The following DLG2 variants were observed in gnomAD, a reference collection of about 807,000 sequenced individuals.
DLG2 encodes the protein discs large MAGUK scaffold protein 2.
Under a neutral mutation model 132.5 loss-of-function variants are expected in DLG2, and 45 were observed. The observed-to-expected ratio is 0.34, with a 90% CI of 0.27 to 0.44. DLG2 has a LOEUF of 0.44. DLG2 is among the 20% of genes least tolerant of loss of function. The probability of loss-of-function intolerance (pLI) is 1.00; values close to 1 mark genes in which losing one functional copy is unlikely to be tolerated. For synonymous variants in DLG2, 424 were observed against 419.6 expected (o/e 1.01, Z -0.13); for missense variants, 1,045 against 1,196.9 (o/e 0.87, Z 1.87).
At position 84,100,269 on chromosome 11, in the gene DLG2, A is replaced by ATATATATCTAAAGAGATATATATATC. The variant is rs2092398411; in HGVS notation, c.625-1223_625-1222insGATATATATATCTCTTTAGATATATA. The stretch of plus-strand genomic sequence containing the variant: ...TATATCTAAAGCGATATATATATAT[A>ATATATATCTAAAGAGATATATATATC]TAAAGGATATATATATCTAAAGAGA... On this transcript the variant is annotated intron_variant, in intron 9 of 27. Transcript: ENST00000376104. Among the ~76,000 whole-genome samples, 6 of 61,850 alleles carry ATATATATCTAAAGAGATATATATATC rather than the reference A, an allele frequency of 9.7e-5. 1 individual carries two copies. The highest frequency in any genetic ancestry group is 3.7e-4 in the African/African-American group (6 of 16,206). 40.6% of individuals were successfully genotyped at this position (61,850 alleles called of 152,430 possible).
chr11:83,628,261 C>T (rs1056012640), intron 19 of DLG2, among the ~76,000 whole-genome samples: 2 of 152,094 alleles, frequency 1.3e-5, no homozygotes, highest in East Asian at 3.9e-4. Context: ...GCCATTGCCA[C>T]AACCACTTTA....
chr11:85,314,988 G>A (rs2080556569), intron 3 of DLG2, among the ~76,000 whole-genome samples: 1 of 152,010 alleles, frequency 6.6e-6, no homozygotes, highest in Non-Finnish European at 1.5e-5. Flanking sequence ...AGCCTGGAAA[G>A]TGAGAGGCAA....
At chr11:84,804,813 C>G (rs2075811197) in intron 6 of DLG2, among the ~76,000 whole-genome samples, 1 of 152,166 alleles carries the variant, frequency 6.6e-6, no homozygotes, top group Admixed American at 6.5e-5. Flanking sequence ...CCCTTGTCAG[C>G]CTGTAAGGAG....
intron 6 of DLG2, among the ~76,000 whole-genome samples, chr11:84,790,930 G>A (rs1392687365): frequency 2.0e-5 from 3 of 152,108 alleles, no homozygotes; most frequent in Admixed American, 6.5e-5. Flanking sequence ...TCTCTATTCT[G>A]TTCTATTGGT....
At chr11:83,741,173 T>G (rs1384255504) in intron 18 of DLG2, among the ~76,000 whole-genome samples, 1 of 152,166 alleles carries the variant, frequency 6.6e-6, no homozygotes, top group Non-Finnish European at 1.5e-5. Flanking sequence ...AAGAGACATT[T>G]ATGACAAACC....
Position 83,606,028 on chromosome 11 carries a change from C to T in DLG2, c.1940+27183G>A, listed in dbSNP as rs184647528. 8.2e-4 allele frequency among the ~76,000 whole-genome samples: 125 copies of T among 152,280 alleles called. No homozygotes were observed. In the East Asian group the frequency reaches 0.016, roughly 20 times the overall value. ...CTTCACTATACTAGTTGTTATGCTA[C>T]TTTTTAGACTCATTCCACAGAGTCA... On this transcript the variant is annotated intron_variant, in intron 19 of 27. Transcript: ENST00000376104.
chr11:84,086,847 C>T (rs899940701), intron 10 of DLG2, among the ~76,000 whole-genome samples: 1 of 152,164 alleles, frequency 6.6e-6, no homozygotes, highest in African/African-American at 2.4e-5. Context: ...CCCCTGGCAA[C>T]CACTAATCTA....
chr11:85,560,631 T>C (rs887789947), intron 3 of DLG2, among the ~76,000 whole-genome samples: 1 of 151,920 alleles, frequency 6.6e-6, no homozygotes, highest in Non-Finnish European at 1.5e-5. Flanking sequence ...ATTGTGGTGA[T>C]AGTTTCACAA....
intron 3 of DLG2, among the ~76,000 whole-genome samples, chr11:85,427,742 C>T (rs970616715): frequency 6.6e-6 from 1 of 152,196 alleles, no homozygotes; most frequent in Non-Finnish European, 1.5e-5. Context: ...AACCAGCTGA[C>T]ATCATAATGA....
intron 3 of DLG2, among the ~76,000 whole-genome samples, chr11:85,498,434 T>C (rs2093719261): frequency 6.6e-6 from 1 of 152,130 alleles, no homozygotes; most frequent in African/African-American, 2.4e-5. Context: ...ATAAAGCAAG[T>C]CCTGAGAGAC....
intron 9 of DLG2, among the ~76,000 whole-genome samples, chr11:84,099,810 T>A (rs905893447): frequency 1.5e-5 from 2 of 136,424 alleles, no homozygotes; most frequent in African/African-American, 5.7e-5. Context: ...AGGATATATA[T>A]ATCTAAAGAG....
intron 3 of DLG2, among the ~76,000 whole-genome samples, chr11:85,447,945 C>T (rs1442910465): frequency 5.3e-5 from 8 of 152,086 alleles, no homozygotes; most frequent in Non-Finnish European, 5.9e-5. Context: ...TCTAATAATT[C>T]TAGGAATTCT....
intron 6 of DLG2, among the ~76,000 whole-genome samples, chr11:84,703,881 T>TATATATATATATATATAC (rs1039735623): frequency 1.5e-3 from 181 of 122,706 alleles, no homozygotes; most frequent in East Asian, 7.3e-3. Context: ...TATATATATA[T>TATATATATATATATATAC]ATACACGTGT....
intron 4 of DLG2, among the ~76,000 whole-genome samples, chr11:85,156,620 A>C (rs1036837217): frequency 1.4e-4 from 22 of 152,172 alleles, no homozygotes; most frequent in Admixed American, 3.9e-4. Context: ...TCTCATGTAG[A>C]TGTACATAGT....
At chr11:85,390,874 C>T (rs1199590842) in intron 3 of DLG2, among the ~76,000 whole-genome samples, 1 of 151,804 alleles carries the variant, frequency 6.6e-6, no homozygotes, top group East Asian at 1.9e-4. Flanking sequence ...GGTCACACCT[C>T]AAGGAACTAG....
At chr11:84,057,534 CT>C (rs1566261745) in intron 11 of DLG2, among the ~76,000 whole-genome samples, 2 of 152,062 alleles carry the variant, frequency 1.3e-5, no homozygotes, top group Admixed American at 6.6e-5. Flanking sequence ...AAATGCTTCA[CT>C]TTTTTTTCTT....
intron 7 of DLG2, among the ~76,000 whole-genome samples, chr11:84,361,526 A>T (rs1171579154): frequency 1.3e-5 from 2 of 152,102 alleles, no homozygotes; most frequent in East Asian, 3.9e-4. Flanking sequence ...ATTGCCAGCA[A>T]ATCTGTACCA....
intron 3 of DLG2, among the ~76,000 whole-genome samples, chr11:85,332,611 C>T (rs2081840623): frequency 3.3e-5 from 5 of 152,064 alleles, no homozygotes; most frequent in African/African-American, 1.2e-4. Context: ...AGTCTTCAAC[C>T]CATCTTGAGT....
In DLG2 at chr11:85,459,811, T is replaced by C. The variant is rs145674853; in HGVS notation, c.40+138846A>G. ...TGCTGAACCACCTGCAACTGAAATG[T>C]TCAGGTTGAAGCAAGTTAGCTGTGC... On this transcript the variant is annotated intron_variant, in intron 3 of 27. Coordinates refer to ENST00000376104, the MANE Select transcript of DLG2 (RefSeq NM_001142699.3). 7.0e-4 allele frequency among the ~76,000 whole-genome samples: 106 copies of C among 152,260 alleles called. 1 individual carries two copies. The East Asian group carries it at 7.9e-3, about 11-fold the overall frequency.
Sources: gnomAD v4.1 joint callset for allele counts (sites outside exome capture counted in the v4.1 genomes callset) on GRCh38, gnomAD v4.1.1 for gene constraint, MANE v1.5 for transcripts, NCBI Gene and HGNC (gene_info 2026-07-23, HGNC 2026-07-21) for gene names.